The following ASPRV1 variants were observed in gnomAD, a reference collection of about 807,000 sequenced individuals.
ASPRV1 encodes retroviral-like aspartic protease 1.
ASPRV1 carries 7 observed loss-of-function variants against 11.0 expected under a neutral mutation model. The ratio of observed to expected loss-of-function variants is 0.64; its 90% CI spans 0.36 to 1.20. The LOEUF is 1.20. ASPRV1 is among the 50% of genes most tolerant of loss of function. ASPRV1 has a pLI of 0.02. For synonymous variants in ASPRV1, 136 were observed against 138.4 expected, an observed-to-expected ratio of 0.98 and a Z score of 0.12; for missense variants, 299 against 320.0, an observed-to-expected ratio of 0.93 and a Z score of 0.50.
At chr2:70,061,001 GT>G in the ASPRV1 span, among the ~76,000 whole-genome samples, 34 of 152,282 alleles carry the variant, frequency 2.2e-4, no homozygotes, top group Admixed American at 5.2e-4. Context: ...AAGACAAACA[GT>G]TAAGTGGTCT....
the ASPRV1 span, chr2:70,086,921 A>C: frequency 1.3e-5 from 2 of 152,144 alleles, no homozygotes; most frequent in Non-Finnish European, 2.9e-5. Context: ...TGGGGGATCC[A>C]TGCAGGGCGC....
the ASPRV1 span, among the ~76,000 whole-genome samples, chr2:70,013,515 TAA>T: frequency 3.9e-5 from 6 of 152,154 alleles, no homozygotes; most frequent in Admixed American, 6.5e-5. Context: ...AGCCAAACAT[TAA>T]AGAGAGTTGC....
At chr2:69,985,608 G>A in the ASPRV1 span, among the ~76,000 whole-genome samples, 111 of 152,328 alleles carry the variant, frequency 7.3e-4, no homozygotes, top group African/African-American at 2.4e-3. Flanking sequence ...GGGCTGGGCT[G>A]AGATATAGAA....
At position 69,961,256 on chromosome 2, in the gene ASPRV1, C is replaced by T; in HGVS notation, c.181G>A (p.Glu61Lys). ...LRFLKESLRG[E>K]ALGVYNRLSP... ...AGCCTATTGTAGACACCCAGGGCCT[C>T]TCCTCTGAGGGACTCTTTCAGGAAC... Residue 61 changes from glutamate (E) to lysine (K), a missense_variant, in exon 1 of 1, where the codon GAG becomes AAG. Coordinates refer to ENST00000320256, the MANE Select transcript of ASPRV1 (RefSeq NM_152792.4). 6.2e-7 allele frequency: 1 copy of T among 1,614,160 alleles called. No individual in the cohort carries two copies. The highest frequency in any genetic ancestry group is 8.5e-7 in the Non-Finnish European group (1 of 1,180,022).
the ASPRV1 span, among the ~76,000 whole-genome samples, chr2:70,048,070 C>G: frequency 1.5e-5 from 2 of 135,760 alleles, no homozygotes; most frequent in Non-Finnish European, 3.0e-5. Flanking sequence ...GATCGCGCCA[C>G]TGCACTCCAG....
At chr2:69,981,187 C>T in the ASPRV1 span, among the ~76,000 whole-genome samples, 13 of 152,322 alleles carry the variant, frequency 8.5e-5, no homozygotes, top group African/African-American at 3.1e-4. Flanking sequence ...ACATCCTTTA[C>T]TTGCAAGGAT....
At chr2:69,986,220 C>G in the ASPRV1 span, among the ~76,000 whole-genome samples, 1 of 152,200 alleles carries the variant, frequency 6.6e-6, no homozygotes, top group African/African-American at 2.4e-5. Context: ...AAAGCTCTGC[C>G]CTCAGGTAGA....
chr2:70,077,637 C>T, the ASPRV1 span, among the ~76,000 whole-genome samples: 10 of 151,424 alleles, frequency 6.6e-5, no homozygotes, highest in African/African-American at 2.2e-4. Context: ...GCAGATCACC[C>T]GATGTCAGGA....
At chr2:70,031,652 G>C in the ASPRV1 span, 1 of 152,220 alleles carries the variant, frequency 6.6e-6, no homozygotes, top group South Asian at 2.1e-4. Flanking sequence ...AGCCGAGATT[G>C]AGCTACTGCA....
At chr2:69,935,002 A>G in the ASPRV1 span, among the ~76,000 whole-genome samples, 1 of 152,360 alleles carries the variant, frequency 6.6e-6, no homozygotes, top group South Asian at 2.1e-4. Context: ...TAATACTTCA[A>G]TAAACTCATT....
the ASPRV1 span, chr2:70,087,193 C>G: frequency 2.4e-4 from 37 of 152,216 alleles, no homozygotes; most frequent in African/African-American, 8.7e-4. Flanking sequence ...GTCTATCCCG[C>G]ATACACAGCA....
At chr2:70,072,252 T>G in the ASPRV1 span, among the ~76,000 whole-genome samples, 1 of 149,630 alleles carries the variant, frequency 6.7e-6, no homozygotes, top group Non-Finnish European at 1.5e-5. Flanking sequence ...GCACCCAGCC[T>G]CTACAGAAAA....
the ASPRV1 span, among the ~76,000 whole-genome samples, chr2:70,072,066 C>T: frequency 6.6e-6 from 1 of 151,966 alleles, no homozygotes; most frequent in Admixed American, 6.6e-5. Context: ...ATTCTCATGC[C>T]TCAGCCTCCC....
At chr2:70,037,378 CA>C in the ASPRV1 span, among the ~76,000 whole-genome samples, 1 of 152,190 alleles carries the variant, frequency 6.6e-6, no homozygotes, top group Non-Finnish European at 1.5e-5. Flanking sequence ...GGCTGGGGCA[CA>C]GTGGCGTGAT....
the ASPRV1 span, among the ~76,000 whole-genome samples, chr2:70,045,079 T>C: frequency 6.6e-6 from 1 of 152,150 alleles, no homozygotes; most frequent in Non-Finnish European, 1.5e-5. Context: ...AATCTAGTAT[T>C]CTATAAACAG....
chr2:70,059,251 GTTTTC>G, the ASPRV1 span, among the ~76,000 whole-genome samples: 1 of 139,710 alleles, frequency 7.2e-6, no homozygotes, highest in Non-Finnish European at 1.5e-5. Context: ...CTGCTGATTG[GTTTTC>G]TTTTTTTTTT....
the ASPRV1 span, among the ~76,000 whole-genome samples, chr2:70,007,359 A>G: frequency 3.9e-5 from 6 of 152,064 alleles, no homozygotes; most frequent in East Asian, 1.2e-3. Flanking sequence ...TTCTACTTTA[A>G]AAAAATACAA....
the ASPRV1 span, among the ~76,000 whole-genome samples, chr2:70,038,601 C>T: frequency 4.7e-5 from 7 of 150,488 alleles, no homozygotes; most frequent in Non-Finnish European, 7.4e-5. Flanking sequence ...GAAAAAAAAG[C>T]GTATGAAGCT....
chr2:70,082,845 G>A, the ASPRV1 span, among the ~76,000 whole-genome samples: 19,187 of 152,146 alleles, frequency 0.13, 1,801 homozygotes, highest in South Asian at 0.24. Flanking sequence ...AGTGAGCTAC[G>A]ATGGAGCCAC....
Sources: gnomAD v4.1 joint callset for allele counts (sites outside exome capture counted in the v4.1 genomes callset) on GRCh38, gnomAD v4.1.1 for gene constraint, MANE v1.5 for transcripts, NCBI Gene and HGNC (gene_info 2026-07-23, HGNC 2026-07-21) for gene names.